Variants in TYW1B observed in about 807,000 individuals in gnomAD.
TYW1B encodes tRNA-yW synthesizing protein 1 homolog B, also known as S-adenosyl-L-methionine-dependent tRNA 4-demethylwyosine synthase TYW1B.
TYW1B carries 73 observed loss-of-function variants against 86.9 expected under a neutral mutation model. The ratio of observed to expected loss-of-function variants is 0.84; its 90% CI spans 0.70 to 1.02. The LOEUF (loss-of-function observed/expected upper bound fraction) is 1.02. Among genes scored for constraint, TYW1B ranks in the 50% least tolerant of loss-of-function variants. The pLI, the probability that TYW1B is intolerant of heterozygous loss-of-function variation, is 0.00. For missense variants in TYW1B, 637 were observed against 827.4 expected (o/e 0.77, Z 2.82); for synonymous variants, 248 against 292.8 (o/e 0.85, Z 1.56).
chr7:72,766,786 G>C (rs1480544522), intron 7 of TYW1B, among the ~76,000 whole-genome samples: 8 of 151,812 alleles, frequency 5.3e-5, no homozygotes, highest in Admixed American at 5.3e-4. Flanking sequence ...AATTACCCAG[G>C]CATGGTGGTG....
intron 13 of TYW1B, among the ~76,000 whole-genome samples, chr7:72,578,640 G>A (rs1400032005): frequency 6.6e-6 from 1 of 152,156 alleles, no homozygotes; most frequent in Non-Finnish European, 1.5e-5. Context: ...ACAGTCAAAT[G>A]AGGCCAAAAA....
At chr7:72,616,618 G>C in intron 13 of TYW1B, 54 bp downstream of exon 13, 1 of 1,613,366 alleles carries the variant, frequency 6.2e-7, no homozygotes, top group Non-Finnish European at 8.5e-7. Flanking sequence ...GAGAAGAGAA[G>C]GAAAGAACAG....
intron 11 of TYW1B, among the ~76,000 whole-genome samples, chr7:72,674,102 A>T (rs782311401): frequency 6.6e-6 from 1 of 152,068 alleles, no homozygotes; most frequent in Non-Finnish European, 1.5e-5. Flanking sequence ...GGGATGGTAC[A>T]ACCCCACTCC....
intron 8 of TYW1B, among the ~76,000 whole-genome samples, chr7:72,733,756 A>G (rs1398236729): frequency 2.0e-5 from 3 of 152,220 alleles, no homozygotes; most frequent in African/African-American, 7.2e-5. Flanking sequence ...TCCCATGTCC[A>G]TGGGTTGGAA....
At chr7:72,627,512 T>TAACATAACATAACATAAATA (rs782405637) in intron 12 of TYW1B, among the ~76,000 whole-genome samples, 39 of 143,296 alleles carry the variant, frequency 2.7e-4, no homozygotes, top group East Asian at 2.2e-3. Context: ...TAACATAACA[T>TAACATAACATAACATAAATA]AAATAAAATA....
chr7:72,663,778 A>T (rs1377324001), intron 11 of TYW1B, among the ~76,000 whole-genome samples: 1 of 150,484 alleles, frequency 6.6e-6, no homozygotes, highest in Non-Finnish European at 1.5e-5. Flanking sequence ...AAAAAAAAAA[A>T]AAAAAAATCA....
chr7:72,629,275 A>C (rs1253543133), intron 11 of TYW1B, among the ~76,000 whole-genome samples: 1 of 152,228 alleles, frequency 6.6e-6, no homozygotes, highest in Non-Finnish European at 1.5e-5. Context: ...TTCTTGACAC[A>C]GACACACTGA....
chr7:72,659,522 G>A (rs1554444174), intron 11 of TYW1B, among the ~76,000 whole-genome samples: 4 of 152,200 alleles, frequency 2.6e-5, no homozygotes, highest in African/African-American at 4.8e-5. Context: ...AGGGTACAGT[G>A]AGCCGAGATC....
At chr7:72,587,271 A>G (rs1811297841) in intron 13 of TYW1B, among the ~76,000 whole-genome samples, 2 of 152,204 alleles carry the variant, frequency 1.3e-5, no homozygotes, top group African/African-American at 4.8e-5. Flanking sequence ...GAAACCACCC[A>G]GTGGGTTCAC....
chr7:72,710,681 G>A (rs1264017223), intron 10 of TYW1B, among the ~76,000 whole-genome samples: 6 of 152,038 alleles, frequency 3.9e-5, no homozygotes, highest in South Asian at 2.1e-4. Context: ...GGTGGCGTGC[G>A]CCTGTAGTCC....
At chr7:72,669,005 G>A (rs1306748612) in intron 11 of TYW1B, among the ~76,000 whole-genome samples, 1 of 151,688 alleles carries the variant, frequency 6.6e-6, no homozygotes, top group East Asian at 1.9e-4. Flanking sequence ...CACAGAACTT[G>A]AAATATACTA....
intron 11 of TYW1B, among the ~76,000 whole-genome samples, chr7:72,668,857 T>G (rs1361214140): frequency 6.6e-6 from 1 of 152,202 alleles, no homozygotes; most frequent in Non-Finnish European, 1.5e-5. Context: ...CCTTTTCTGA[T>G]GTCAATGTCA....
intron 7 of TYW1B, among the ~76,000 whole-genome samples, chr7:72,746,666 T>C (rs549626261): frequency 6.6e-6 from 1 of 152,162 alleles, no homozygotes; most frequent in South Asian, 2.1e-4. Context: ...ACTGTCCTTA[T>C]AAGAACAGGA....
chr7:72,707,189 A>C (rs115052445), intron 10 of TYW1B, among the ~76,000 whole-genome samples: 8 of 152,332 alleles, frequency 5.3e-5, no homozygotes, highest in African/African-American at 1.9e-4. Context: ...GGTCCATGGG[A>C]AGTGAGCAAA....
intron 13 of TYW1B, among the ~76,000 whole-genome samples, chr7:72,587,801 A>C (rs1811307266): frequency 6.6e-6 from 1 of 152,156 alleles, no homozygotes; most frequent in African/African-American, 2.4e-5. Flanking sequence ...TCTTTGTTTT[A>C]AATTATAAAC....
intron 13 of TYW1B, among the ~76,000 whole-genome samples, chr7:72,591,698 A>G (rs1335692224): frequency 2.0e-5 from 3 of 152,240 alleles, no homozygotes; most frequent in Admixed American, 2.0e-4. Context: ...GGTTGAAATG[A>G]AAGGGCACTA....
chr7:72,775,816 G>A (rs1351433825), intron 7 of TYW1B, among the ~76,000 whole-genome samples: 1 of 151,778 alleles, frequency 6.6e-6, no homozygotes, highest in Non-Finnish European at 1.5e-5. Flanking sequence ...AATAGAACAT[G>A]GTAACTACAT....
chr7:72,713,810 A>T lies in TYW1B; in HGVS notation c.1193-12T>A, dbSNP rs782394980. 1.6e-4 allele frequency: 245 copies of T among 1,558,100 alleles called. No individual in the cohort carries two copies. Among genetic ancestry groups the T allele is most frequent in the Non-Finnish European group, 2.1e-4 (237 of 1,149,214 alleles). On this transcript the variant is annotated splice_polypyrimidine_tract_variant and intron_variant, in intron 9 of 13. Transcript: ENST00000620995. ...GACGCCCGGTACTCCTGGAGAATAC[A>T]GTGAGAAGGACCCAGCTACATAAGG...
chr7:72,615,668 A>C (rs1167608260), intron 13 of TYW1B, among the ~76,000 whole-genome samples: 6 of 152,208 alleles, frequency 3.9e-5, no homozygotes, highest in Non-Finnish European at 8.8e-5. Context: ...ACCATAAAAC[A>C]ACTCACTTCC....
Sources: gnomAD v4.1 joint callset for allele counts (sites outside exome capture counted in the v4.1 genomes callset) on GRCh38, gnomAD v4.1.1 for gene constraint, MANE v1.5 for transcripts, NCBI Gene and HGNC (gene_info 2026-07-23, HGNC 2026-07-21) for gene names.